Variants in CCDC157 observed in about 807,000 individuals in gnomAD.
The protein encoded by CCDC157 is coiled-coil domain containing 157.
Under a neutral mutation model 70.9 loss-of-function variants are expected in CCDC157, and 60 were observed. That is an observed-to-expected ratio of 0.85 (90% CI 0.69 to 1.05). CCDC157 has a LOEUF of 1.05. Ranked by LOEUF, CCDC157 falls within the 50% of genes least tolerant of loss-of-function variation. The pLI, the probability that CCDC157 is intolerant of heterozygous loss-of-function variation, is 0.00. For missense variants in CCDC157, 943 were observed against 984.2 expected (o/e 0.96, Z 0.56); for synonymous variants, 373 against 422.4 (o/e 0.88, Z 1.43).
intron 1 of CCDC157, among the ~76,000 whole-genome samples, chr22:30,360,773 C>G (rs141237419): frequency 6.6e-6 from 1 of 152,012 alleles, no homozygotes; most frequent in South Asian, 2.1e-4. Context: ...ATTGGCCGGG[C>G]ATGGTGGCTC....
rs1401516940 is a variant in CCDC157 at position 30,372,068 on chromosome 22, G to A, written c.1124-7G>A. 1 of 1,528,980 alleles carries A rather than the reference G, an allele frequency of 6.5e-7. No homozygotes were observed. Among genetic ancestry groups the A allele is most frequent in the African/African-American group, 1.4e-5 (1 of 72,610 alleles). The allele number at this position is 1,528,980 out of a possible 1,614,324, so 94.7% of individuals were successfully genotyped here. On this transcript the variant is annotated splice_region_variant and splice_polypyrimidine_tract_variant and intron_variant, in intron 6 of 11. Coordinates refer to ENST00000338306, the MANE Select transcript of CCDC157 (RefSeq NM_001017437.5). ...CTACCCCATCCCATGTCCACTTAAT[G>A]CTGCAGAGGCAAAGGCCCAGCAGCT...
chr22:30,370,651 C>T lies in CCDC157; in HGVS notation c.746C>T (p.Ser249Leu). 4 of 1,613,998 alleles carry T rather than the reference C, an allele frequency of 2.5e-6. No homozygotes were observed. The highest frequency in any genetic ancestry group is 1.6e-4 in the Middle Eastern group (1 of 6,062). Residue 249 changes from serine to leucine, a missense_variant, in exon 5 of 12, where the codon TCG (serine) becomes TTG (leucine). By Grantham distance (145) the Ser-to-Leu change is moderately radical. Transcript: ENST00000338306. Reference sequence around the variant, plus strand: ...CTGTGTCAGAGCCAGAACCTGCCCTCGTCCTTAGGCCAGTTCCAGCAACTG... The same window carrying T: ...CTGTGTCAGAGCCAGAACCTGCCCTTGTCCTTAGGCCAGTTCCAGCAACTG... ...ISLCQSQNLPSSLGQFQQLVQ... is the reference protein window; with the variant it reads ...ISLCQSQNLPLSLGQFQQLVQ...
intron 3 of CCDC157, chr22:30,366,727 T>C (rs1876836738): frequency 4.9e-6 from 1 of 203,152 alleles, no homozygotes; most frequent in Non-Finnish European, 1.1e-5. Context: ...CCTTGCTGAT[T>C]CTCCTGCAGC....
intron 5 of CCDC157, 52 bp downstream of exon 5, chr22:30,371,002 T>A (rs1382905529): frequency 6.5e-7 from 1 of 1,542,786 alleles, no homozygotes. Context: ...TGCCACAGCC[T>A]TTGCATGGAT....
chr22:30,378,304 C>A lies in CCDC157; in HGVS notation c.*1559C>A. Reference sequence around the variant, plus strand: ...CTTTCCCTATCTTCAGGTCAGCTTGCTATAAGACAGAACCCAACCATGGGC... The same window carrying A: ...CTTTCCCTATCTTCAGGTCAGCTTGATATAAGACAGAACCCAACCATGGGC... On this transcript the variant is annotated 3_prime_UTR_variant, in exon 12 of 12. Transcript: ENST00000338306. The A allele has an allele frequency of 5.5e-6, 2 of 366,150 alleles. No individual in the cohort carries two copies. The highest frequency in any genetic ancestry group is 5.7e-6 in the Non-Finnish European group (1 of 176,750). 22.7% of individuals were successfully genotyped at this position (366,150 alleles called of 1,614,324 possible).
chr22:30,369,161 A>G, intron 3 of CCDC157: 1 of 308,996 alleles, frequency 3.2e-6, no homozygotes, highest in East Asian at 5.1e-5. Flanking sequence ...CTGGCTTCAC[A>G]GAGCTCCCTG....
chr22:30,376,388 T>C (rs1469525384), intron 11 of CCDC157, 41 bp downstream of exon 11: 11 of 1,612,424 alleles, frequency 6.8e-6, no homozygotes, highest in Non-Finnish European at 8.5e-6. Flanking sequence ...GTGAGTGGAG[T>C]GTTCCCTGCA....
At position 30,375,643 on chromosome 22, in the gene CCDC157, G is replaced by GC; in HGVS notation, c.1840dup (p.Gln614ProfsTer45). 1 of 1,613,662 alleles carries GC rather than the reference G, an allele frequency of 6.2e-7. No homozygotes were observed. The highest frequency in any genetic ancestry group is 2.2e-5 in the East Asian group (1 of 44,870). On this transcript the variant is annotated frameshift_variant, in exon 10 of 12. Coordinates refer to ENST00000338306, the MANE Select transcript of CCDC157 (RefSeq NM_001017437.5). LOFTEE classifies it high-confidence loss of function. ...AATGCTGTCCAAAATCCGGGAAGTG[G>GC]CCCAGCAGGGTGGCCTCAAGGTGGG...
chr22:30,363,142 C>T (rs1179583393), intron 2 of CCDC157, among the ~76,000 whole-genome samples: 1 of 152,192 alleles, frequency 6.6e-6, no homozygotes, highest in Non-Finnish European at 1.5e-5. Flanking sequence ...CCAGCTCACA[C>T]CCCAGCCCTG....
intron 2 of CCDC157, among the ~76,000 whole-genome samples, chr22:30,363,854 A>G (rs1459693606): frequency 6.6e-6 from 1 of 152,058 alleles, no homozygotes; most frequent in East Asian, 1.9e-4. Context: ...TGTCCGGCTA[A>G]TTTTTGTATT....
rs149837002 is a variant in CCDC157, at chr22:30,370,719, G to A, written c.814G>A (p.Val272Met). 69 of 1,613,280 alleles carry A rather than the reference G, an allele frequency of 4.3e-5. No individual in the cohort carries two copies. The highest frequency in any genetic ancestry group is 1.1e-4 in the African/African-American group (8 of 74,930). Residue 272 changes from valine to methionine, a missense_variant, in exon 5 of 12, where the codon GTG becomes ATG. Physicochemically the swap from Val to Met is conservative, Grantham distance 21. Transcript: ENST00000338306. ...GCTCAGGCCACTGCCGGCTGCCACC[G>A]TGGGCCGCTGGGCAGCAGAGCAGAG... Reference protein sequence around the residue: ...MGLRPLPAATVGRWAAEQRKD... With the variant: ...MGLRPLPAATMGRWAAEQRKD...
Position 30,370,510 on chromosome 22 carries a change from C to A in CCDC157, c.605C>A (p.Thr202Asn), listed in dbSNP as rs1027421677. The stretch of plus-strand genomic sequence containing the variant: ...GCCTCCCTGCAGTTCCCAGCCACGA[C>A]CTTCAAGAACACCAGGAGTGTCCAC... ...VRASLQFPAT[T>N]FKNTRSVHSQ... is the part of the protein sequence containing the mutation. Residue 202 changes from threonine (T) to asparagine (N), a missense_variant, in exon 5 of 12, where the codon ACC (threonine) becomes AAC (asparagine). Physicochemically the swap from Thr to Asn is moderately conservative, Grantham distance 65. Transcript: ENST00000338306. 1 of 1,614,120 alleles carries A rather than the reference C, an allele frequency of 6.2e-7. No individual in the cohort carries two copies. Among genetic ancestry groups the A allele is most frequent in the Non-Finnish European group, 8.5e-7 (1 of 1,180,040 alleles).
At chr22:30,367,523 GCTA>G (rs1178544629) in intron 3 of CCDC157, among the ~76,000 whole-genome samples, 2 of 152,166 alleles carry the variant, frequency 1.3e-5, no homozygotes, top group East Asian at 3.9e-4. Flanking sequence ...ACAGGCGTGA[GCTA>G]CTGCACCTGG....
Position 30,376,890 on chromosome 22 carries a change from G to GGAA in CCDC157, c.*146_*147insAAG. 1 of 781,704 alleles carries GGAA rather than the reference G, an allele frequency of 1.3e-6. No individual in the cohort carries two copies. Among genetic ancestry groups the GGAA allele is most frequent in the Non-Finnish European group, 2.0e-6 (1 of 497,930 alleles). The allele number at this position is 781,704 out of a possible 1,614,324, so 48.4% of individuals were successfully genotyped here. On this transcript the variant is annotated 3_prime_UTR_variant, in exon 12 of 12. Transcript: ENST00000338306. ...ACCCTTCCTTCCCTGTCCTGGGCAG[G>GGAA]GGCCACTGAGTCCCCAGCCATGTAG...
intron 1 of CCDC157, among the ~76,000 whole-genome samples, chr22:30,360,037 C>T (rs541402659): frequency 2.0e-5 from 3 of 152,248 alleles, no homozygotes; most frequent in African/African-American, 7.2e-5. Flanking sequence ...CCTACCTACT[C>T]AGGAGGCTGA....
At chr22:30,374,862 G>A in intron 9 of CCDC157, 1 of 416,900 alleles carries the variant, frequency 2.4e-6, no homozygotes, top group Non-Finnish European at 4.8e-6. Flanking sequence ...AGCTGGCCGT[G>A]TGACCTTGGA....
In CCDC157 at chr22:30,366,005, C is replaced by T. The variant is rs779829926; in HGVS notation, c.5C>T (p.Ala2Val). 51 of 1,590,496 alleles carry T rather than the reference C, an allele frequency of 3.2e-5. 1 individual carries two copies. The highest frequency in any genetic ancestry group is 1.6e-4 in the East Asian group (7 of 44,242). Residue 2 changes from alanine to valine, a missense_variant, in exon 3 of 12, where the codon GCG (alanine) becomes GTG (valine). Coordinates refer to ENST00000338306, the MANE Select transcript of CCDC157 (RefSeq NM_001017437.5). M[A>V]HLLGSQACME... ...CTCACCCCAGGATCTGTGAGGATGG[C>T]GCACCTGCTGGGCAGCCAGGCCTGC...
chr22:30,365,891 C>G (rs755632172), intron 2 of CCDC157, 99 bp from the exon 3 acceptor site: 62 of 1,203,400 alleles, frequency 5.2e-5, no homozygotes, highest in Non-Finnish European at 6.7e-5. Flanking sequence ...GGGTGAACTT[C>G]CGGCCTAGCA....
intron 2 of CCDC157, among the ~76,000 whole-genome samples, chr22:30,363,446 A>G (rs1013951964): frequency 6.6e-6 from 1 of 152,002 alleles, no homozygotes; most frequent in Non-Finnish European, 1.5e-5. Flanking sequence ...TGGACCAAGC[A>G]CCTTACTCAT....
Sources: allele counts gnomAD v4.1 joint callset (sites outside exome capture counted in the v4.1 genomes callset), GRCh38; gene constraint gnomAD v4.1.1; transcripts MANE v1.5; gene names NCBI Gene and HGNC (gene_info 2026-07-23, HGNC 2026-07-21).